The following RBMXL1 variants were observed in gnomAD, a reference collection of about 807,000 sequenced individuals.
RBMXL1 encodes RNA binding motif protein, X-linked-like-1.
A neutral mutation model predicts 29.0 loss-of-function variants in RBMXL1; 18 were observed. The observed-to-expected ratio is 0.62, with a 90% CI of 0.43 to 0.92. The LOEUF (loss-of-function observed/expected upper bound fraction) is 0.92. Among genes scored for constraint, RBMXL1 ranks in the 40% least tolerant of loss-of-function variants. The pLI is 0.00. For missense variants in RBMXL1, 403 were observed against 495.8 expected, an observed-to-expected ratio of 0.81 and a Z score of 1.78; for synonymous variants, 141 against 170.4, an observed-to-expected ratio of 0.83 and a Z score of 1.34.
rs1676973420 is a variant in RBMXL1, at chr1:88,979,587, C to T, written c.*3067G>A. ...AAAATATACAACTGGCCAAAAAGTACCTTAAAAGATGCTTACCAGCATTAG... is the reference window on the plus strand; with the variant it reads ...AAAATATACAACTGGCCAAAAAGTATCTTAAAAGATGCTTACCAGCATTAG... On this transcript the variant is annotated 3_prime_UTR_variant, in exon 3 of 3. Transcript: ENST00000652648. 6.6e-6 allele frequency: 1 copy of T among 151,988 alleles called. No individual in the cohort carries two copies. The highest frequency in any genetic ancestry group is 6.6e-5 in the Admixed American group (1 of 15,252). 9.4% of individuals were successfully genotyped at this position (151,988 alleles called of 1,614,324 possible).
rs1197357252 is a variant in RBMXL1, at chr1:88,983,469, T to G, written c.358A>C (p.Arg120=). ...TGTCCTCCTCGTGAAGGAGGTCCCC[T>G]GGTTCCTCCACTTCCTCCTCTTCCA... ...GAGRGGSGGT[R]GPPSRGGHMD... is the part of the protein sequence containing the mutation. The change falls in exon 3 of 3, where the codon AGG becomes CGG. Residue 120 remains arginine, a synonymous_variant. Coordinates refer to ENST00000652648, the MANE Select transcript of RBMXL1 (RefSeq NM_001162536.3). 1 of 1,614,034 alleles carries G rather than the reference T, an allele frequency of 6.2e-7. No individual in the cohort carries two copies. Among genetic ancestry groups the G allele is most frequent in the African/African-American group, 1.3e-5 (1 of 74,930 alleles).
chr1:88,989,396 C>CA (rs1677652485), intron 1 of RBMXL1, among the ~76,000 whole-genome samples: 1 of 152,162 alleles, frequency 6.6e-6, no homozygotes, highest in Non-Finnish European at 1.5e-5. Flanking sequence ...TATCTGTAGT[C>CA]AAGTTATGGA....
chr1:88,991,723 C>T (rs771198093), intron 1 of RBMXL1, among the ~76,000 whole-genome samples: 10 of 152,208 alleles, frequency 6.6e-5, no homozygotes, highest in Admixed American at 2.0e-4. Flanking sequence ...ATAAACTTCT[C>T]CAGAAGGAAA....
At chr1:88,990,271 A>AAAACATAAAAAGCAAACAAAC (rs369463192) in intron 1 of RBMXL1, among the ~76,000 whole-genome samples, 10,609 of 150,674 alleles carry the variant, frequency 0.07, 1,229 homozygotes, top group African/African-American at 0.24. Flanking sequence ...TCCCGGTTAA[A>AAAACATAAAAAGCAAACAAAC]AAACATAAAA....
At chr1:88,987,348 A>G (rs988766705) in intron 2 of RBMXL1, among the ~76,000 whole-genome samples, 4 of 152,170 alleles carry the variant, frequency 2.6e-5, no homozygotes, top group African/African-American at 9.7e-5. Flanking sequence ...CGGTGGCATA[A>G]AGAGGAGAGA....
rs1421558085 is a variant in RBMXL1, at chr1:88,988,284, A to G, written c.-273T>C. On this transcript the variant is annotated 5_prime_UTR_variant, in exon 2 of 3. Coordinates refer to ENST00000652648, the MANE Select transcript of RBMXL1 (RefSeq NM_001162536.3). ...GTAGAGAATCCGAGGATTTTGGAAG[A>G]AGAAATTGTCTTCAGGAATTTTGCT... is the stretch of plus-strand genomic sequence containing the variant. The G allele has an allele frequency of 1.2e-6, 2 of 1,613,618 alleles. No homozygotes were observed. Among genetic ancestry groups the G allele is most frequent in the African/African-American group, 1.3e-5 (1 of 74,934 alleles).
intron 1 of RBMXL1, among the ~76,000 whole-genome samples, chr1:88,991,981 T>C (rs36005939): frequency 6.1e-5 from 3 of 48,896 alleles, no homozygotes; most frequent in African/African-American, 1.0e-4. Flanking sequence ...GGTATTCTTT[T>C]GGTTTTTTTT....
chr1:88,982,095 G>C lies in RBMXL1; in HGVS notation c.*559C>G. On this transcript the variant is annotated 3_prime_UTR_variant, in exon 3 of 3. Transcript: ENST00000652648. ...AAATGTCAGAAAGGCAAAATGGCCA[G>C]CATTATCCATTTGCTTTTTTTGGGT... is the stretch of plus-strand genomic sequence containing the variant. 3 of 986,910 alleles carry C rather than the reference G, an allele frequency of 3.0e-6. No individual in the cohort carries two copies. Among genetic ancestry groups the C allele is most frequent in the Non-Finnish European group, 3.6e-6 (3 of 830,554 alleles). 61.1% of individuals were successfully genotyped at this position (986,910 alleles called of 1,614,324 possible). A position where few individuals can be genotyped will look rare whatever the true frequency, so the allele number is the denominator to read the frequency against.
In RBMXL1 at chr1:88,983,498, C is replaced by T; in HGVS notation, c.329G>A (p.Gly110Glu). The change falls in exon 3 of 3, where the codon GGA becomes GAA. Residue 110 changes from glycine to glutamate, a missense_variant. Physicochemically the swap from Gly to Glu is moderately conservative, Grantham distance 98 (BLOSUM62 -2). Transcript: ENST00000652648. ...PRSRGPPRGF[G>E]AGRGGSGGTR... Reference sequence around the variant, plus strand: ...TCCTCCACTTCCTCCTCTTCCAGCTCCAAAACCTCTTGGAGGACCTCTACT... The same window carrying T: ...TCCTCCACTTCCTCCTCTTCCAGCTTCAAAACCTCTTGGAGGACCTCTACT... 6.2e-7 allele frequency: 1 copy of T among 1,614,140 alleles called. No individual in the cohort carries two copies. Among genetic ancestry groups the T allele is most frequent in the Non-Finnish European group, 8.5e-7 (1 of 1,180,018 alleles).
Position 88,988,361 on chromosome 1 carries a change from A to G in RBMXL1, c.-340-10T>C. The G allele has an allele frequency of 6.4e-7, 1 of 1,571,968 alleles. No homozygotes were observed. Among genetic ancestry groups the G allele is most frequent in the Non-Finnish European group, 8.7e-7 (1 of 1,143,862 alleles). On this transcript the variant is annotated splice_polypyrimidine_tract_variant and intron_variant, in intron 1 of 2. Transcript: ENST00000652648. ...CTGGGCCAAAAACATGCTATTAAAT[A>G]AAAGAAAAATTGAGAAGAGGAATAA...
intron 1 of RBMXL1, among the ~76,000 whole-genome samples, chr1:88,990,634 A>G (rs973821623): frequency 1.2e-4 from 18 of 152,292 alleles, no homozygotes; most frequent in Non-Finnish European, 2.4e-4. Context: ...ATGGAATTCC[A>G]AGACCTAGAC....
Position 88,983,267 on chromosome 1 carries a change from C to T in RBMXL1, c.560G>A (p.Arg187Lys), listed in dbSNP as rs1362748446. ...TCGAGGTGGACCTCCATAACTATCT[C>T]TTCCACGTGATAGAGGAGCTCTTCC... ...MGGRAPLSRG[R>K]DSYGGPPRRE... is the part of the protein sequence containing the mutation. Residue 187 changes from arginine to lysine, a missense_variant, in exon 3 of 3, where the codon AGA becomes AAA. Coordinates refer to ENST00000652648, the MANE Select transcript of RBMXL1 (RefSeq NM_001162536.3). The T allele has an allele frequency of 6.2e-7, 1 of 1,613,638 alleles. No homozygotes were observed. Among genetic ancestry groups the T allele is most frequent in the African/African-American group, 1.3e-5 (1 of 74,922 alleles).
intron 1 of RBMXL1, among the ~76,000 whole-genome samples, chr1:88,989,478 G>A (rs531453562): frequency 2.6e-5 from 4 of 152,290 alleles, no homozygotes; most frequent in African/African-American, 9.6e-5. Context: ...GTTAAAGCAA[G>A]CAAGTAGCGG....
rs1677103545 is a variant in RBMXL1, at chr1:88,981,842, T to C, written c.*812A>G. 4.0e-6 allele frequency: 2 copies of C among 498,834 alleles called. No individual in the cohort carries two copies. The highest frequency in any genetic ancestry group is 8.7e-5 in the South Asian group (1 of 11,480). The allele number at this position is 498,834 out of a possible 1,614,324, so 30.9% of individuals were successfully genotyped here. ...TTAGAAGTCATAAGCCTTTAGGAAG[T>C]TGGAGATAAATTCATTGCTTATCTA... On this transcript the variant is annotated 3_prime_UTR_variant, in exon 3 of 3. Transcript: ENST00000652648.
rs1485479244 is a variant in RBMXL1 at position 88,982,957 on chromosome 1, G to A, written c.870C>T (p.Asn290=). 6.2e-7 allele frequency: 1 copy of A among 1,613,746 alleles called. No homozygotes were observed. The highest frequency in any genetic ancestry group is 1.7e-5 in the Admixed American group (1 of 59,992). ...SYRDSYESYG[N]SRSAPLTRGP... is the part of the protein sequence containing the mutation. ...CTCGTGTAAGTGGAGCACTACGTGA[G>A]TTACCATAACTCTCATATGAATCTC... Residue 290 remains asparagine, a synonymous_variant, in exon 3 of 3, where the codon AAC becomes AAT. Coordinates refer to ENST00000652648, the MANE Select transcript of RBMXL1 (RefSeq NM_001162536.3).
intron 1 of RBMXL1, among the ~76,000 whole-genome samples, chr1:88,990,283 A>C (rs115176987): frequency 7.7e-6 from 1 of 129,256 alleles, no homozygotes; most frequent in East Asian, 2.0e-4. Flanking sequence ...AACATAAAAA[A>C]CAAACAAAAA....
At position 88,981,230 on chromosome 1, in the gene RBMXL1, C is replaced by T. The variant is rs1232917577; in HGVS notation, c.*1424G>A. ...GTCACTCATAAGTTTTATTCTACAA[C>T]TAAACTGTTTGTGGATAAGCCACCA... On this transcript the variant is annotated 3_prime_UTR_variant, in exon 3 of 3. Coordinates refer to ENST00000652648, the MANE Select transcript of RBMXL1 (RefSeq NM_001162536.3). The T allele has an allele frequency of 6.6e-6, 1 of 152,204 alleles. No homozygotes were observed. Among genetic ancestry groups the T allele is most frequent in the Non-Finnish European group, 1.5e-5 (1 of 68,034 alleles). The allele number at this position is 152,204 out of a possible 1,614,324, so 9.4% of individuals were successfully genotyped here.
In RBMXL1 at chr1:88,983,810, C is replaced by A. The variant is rs768543094; in HGVS notation, c.17G>T (p.Arg6Leu). The change falls in exon 3 of 3, where the codon CGC becomes CTC. Residue 6 changes from arginine (R) to leucine (L), a missense_variant. Arg to Leu is a moderately radical substitution (Grantham distance 102). Transcript: ENST00000652648. The part of the protein sequence containing the change: MVEAD[R>L]PGKLFIGGLN... ...CCCACCAATGAAGAGCTTTCCTGGG[C>A]GATCTGCTTCAACCATTTTTTTTTT... 1 of 1,613,862 alleles carries A rather than the reference C, an allele frequency of 6.2e-7. No homozygotes were observed. Among genetic ancestry groups the A allele is most frequent in the African/African-American group, 1.3e-5 (1 of 74,978 alleles).
intron 1 of RBMXL1, among the ~76,000 whole-genome samples, chr1:88,991,819 C>G (rs1364811494): frequency 6.6e-6 from 1 of 152,228 alleles, no homozygotes; most frequent in Non-Finnish European, 1.5e-5. Context: ...AGCCCCAGTC[C>G]CCCTCAGGTG....
Sources: allele counts gnomAD v4.1 joint callset (sites outside exome capture counted in the v4.1 genomes callset), GRCh38; gene constraint gnomAD v4.1.1; transcripts MANE v1.5; gene names NCBI Gene and HGNC (gene_info 2026-07-23, HGNC 2026-07-21).